CDK5RAP2: variants seen among roughly 807,000 people sequenced by gnomAD.
CDK5RAP2 encodes the protein CDK5 regulatory subunit-associated protein 2.
In CDK5RAP2, 147 loss-of-function variants were observed where a neutral mutation model predicts 232.9. The observed-to-expected ratio is 0.63, with a 90% CI of 0.55 to 0.72. CDK5RAP2 has a LOEUF of 0.72. Ranked by LOEUF, CDK5RAP2 falls within the 30% of genes least tolerant of loss-of-function variation. The probability of loss-of-function intolerance (pLI) is 0.00; values close to 1 mark genes in which losing one functional copy is unlikely to be tolerated. For synonymous variants in CDK5RAP2, 833 were observed against 833.7 expected (o/e 1.00, Z 0.01); for missense variants, 2,195 against 2,231.5 (o/e 0.98, Z 0.33).
chr9:120,418,844 C>G (rs2034392592), intron 27 of CDK5RAP2, among the ~76,000 whole-genome samples: 1 of 152,184 alleles, frequency 6.6e-6, no homozygotes, highest in Non-Finnish European at 1.5e-5. Flanking sequence ...GACTCAGAGG[C>G]CACCATGGGA....
intron 11 of CDK5RAP2, among the ~76,000 whole-genome samples, chr9:120,520,280 C>G (rs564857261): frequency 6.6e-6 from 1 of 152,282 alleles, no homozygotes; most frequent in East Asian, 1.9e-4. Context: ...CACAGTGGCT[C>G]GCTGCCTGTA....
chr9:120,479,059 GACCC>G (rs2038170909), intron 14 of CDK5RAP2, among the ~76,000 whole-genome samples: 1 of 152,068 alleles, frequency 6.6e-6, no homozygotes, highest in African/African-American at 2.4e-5. Context: ...AGGACACACA[GACCC>G]AGTTTGGAAA....
chr9:120,414,976 G>C lies in CDK5RAP2; in HGVS notation c.4297+64C>G, dbSNP rs570409256. Reference sequence around the variant, plus strand: ...TGCTTTGTACACAGATGCTTACTCAGGCAAATGCGTCACAGTGAAGCACTC... The same window carrying C: ...TGCTTTGTACACAGATGCTTACTCACGCAAATGCGTCACAGTGAAGCACTC... On this transcript the variant is annotated intron_variant, in intron 28 of 37. Transcript: ENST00000349780. The C allele has an allele frequency of 5.5e-5, 87 of 1,589,222 alleles. No homozygotes were observed. The African/African-American group carries it at 1.1e-3, about 20-fold the overall frequency.
intron 1 of CDK5RAP2, among the ~76,000 whole-genome samples, chr9:120,575,950 T>C (rs940397956): frequency 1.3e-5 from 2 of 152,344 alleles, no homozygotes; most frequent in South Asian, 2.1e-4. Flanking sequence ...TACAAAGCTT[T>C]CTACAGCAGT....
At position 120,536,528 on chromosome 9, in the gene CDK5RAP2, T is replaced by C; in HGVS notation, c.508-2A>G. ...TTCTGCCTGGGCGGCTGTCACATCC[T>C]AGAGTCAAATTAAATGCATTTGATG... On this transcript the variant is annotated splice_acceptor_variant, in intron 6 of 37. Transcript: ENST00000349780. LOFTEE classifies it high-confidence loss of function. 6.2e-7 allele frequency: 1 copy of C among 1,613,912 alleles called. No homozygotes were observed. Among genetic ancestry groups the C allele is most frequent in the South Asian group, 1.1e-5 (1 of 91,052 alleles).
At chr9:120,486,557 C>T (rs1394640783) in intron 14 of CDK5RAP2, among the ~76,000 whole-genome samples, 1 of 152,134 alleles carries the variant, frequency 6.6e-6, no homozygotes, top group Non-Finnish European at 1.5e-5. Context: ...GAACATGTGC[C>T]AGTTCCCTAC....
At chr9:120,439,321 T>C (rs2035760103) in intron 24 of CDK5RAP2, 78 bp downstream of exon 24, 1 of 1,219,088 alleles carries the variant, frequency 8.2e-7, no homozygotes, top group Admixed American at 1.7e-5. Context: ...TGTTCTCTTT[T>C]AGCTCATGGG....
chr9:120,408,432 G>A lies in CDK5RAP2; in HGVS notation c.4641C>T (p.Leu1547=), dbSNP rs1052699135. The part of the protein sequence containing the change: ...QEEVKLRQQL[L]SQNDKLLQSL... ...ACTGCAATAGCTTGTCATTCTGTGA[G>A]AGCAGCTGCTGCCTCAACTTCACCT... The change falls in exon 31 of 38, where the codon CTC becomes CTT. Residue 1547 remains leucine (L), a synonymous_variant. Transcript: ENST00000349780. The A allele has an allele frequency of 3.1e-6, 5 of 1,614,094 alleles. No individual in the cohort carries two copies. The highest frequency in any genetic ancestry group is 3.3e-5 in the Admixed American group (2 of 60,024).
intron 23 of CDK5RAP2, 149 bp from the exon 24 acceptor site, chr9:120,440,121 T>C: frequency 1.4e-6 from 1 of 691,320 alleles, no homozygotes; most frequent in Non-Finnish European, 2.5e-6. Context: ...CACACTTCCC[T>C]CAAAAAGCCT....
Position 120,467,958 on chromosome 9 carries a change from C to T in CDK5RAP2, c.2008G>A (p.Asp670Asn), listed in dbSNP as rs2037477178. Reference sequence around the variant, plus strand: ...ATGGTTTTCTTCAGGTGCTGGTTGTCTGTATACAGCTCCTTCACTAGCTGT... The same window carrying T: ...ATGGTTTTCTTCAGGTGCTGGTTGTTTGTATACAGCTCCTTCACTAGCTGT... ...LIQLVKELYT[D>N]NQHLKKTIFD... The change falls in exon 18 of 38, where the codon GAC becomes AAC. Residue 670 changes from aspartate (D) to asparagine (N), a missense_variant. Asp to Asn is a conservative substitution (Grantham distance 23). Coordinates refer to ENST00000349780, the MANE Select transcript of CDK5RAP2 (RefSeq NM_018249.6). 1 of 1,614,084 alleles carries T rather than the reference C, an allele frequency of 6.2e-7. No homozygotes were observed. The highest frequency in any genetic ancestry group is 1.3e-5 in the African/African-American group (1 of 75,020).
At chr9:120,435,310 A>G (rs1027041349) in intron 25 of CDK5RAP2, among the ~76,000 whole-genome samples, 1 of 152,236 alleles carries the variant, frequency 6.6e-6, no homozygotes, top group African/African-American at 2.4e-5. Flanking sequence ...TGAGTAAATC[A>G]GCAGATATGG....
intron 12 of CDK5RAP2, among the ~76,000 whole-genome samples, chr9:120,515,018 TATG>T (rs971771349): frequency 6.6e-6 from 1 of 152,032 alleles, no homozygotes; most frequent in African/African-American, 2.4e-5. Flanking sequence ...AAGACTAAGT[TATG>T]ATATAAAAAA....
At chr9:120,456,187 T>C (rs2036763995) in intron 20 of CDK5RAP2, among the ~76,000 whole-genome samples, 1 of 152,234 alleles carries the variant, frequency 6.6e-6, no homozygotes, top group African/African-American at 2.4e-5. Context: ...TGTGGCTAAC[T>C]CCTGGGAGAA....
chr9:120,487,234 T>C lies in CDK5RAP2; in HGVS notation c.1626+60A>G, dbSNP rs754401857. ...TCTAGATCAAAGGAGTTATCAAATA[T>C]GTTTCAAAAAAGTGTATGAATCCAT... On this transcript the variant is annotated intron_variant, in intron 14 of 37. Coordinates refer to ENST00000349780, the MANE Select transcript of CDK5RAP2 (RefSeq NM_018249.6). 4.6e-5 allele frequency: 72 copies of C among 1,569,144 alleles called. 1 individual carries two copies. The Admixed American group carries it at 1.2e-3, about 26-fold the overall frequency.
chr9:120,506,074 G>A (rs1402388616), intron 12 of CDK5RAP2, among the ~76,000 whole-genome samples: 1 of 152,212 alleles, frequency 6.6e-6, no homozygotes, highest in East Asian at 1.9e-4. Context: ...AAGAGGAGCA[G>A]TCAATGTCTG....
intron 11 of CDK5RAP2, among the ~76,000 whole-genome samples, chr9:120,522,280 G>C (rs918412685): frequency 1.3e-5 from 2 of 152,048 alleles, no homozygotes; most frequent in African/African-American, 4.8e-5. Flanking sequence ...GTTACCTTTG[G>C]GACAACTGGG....
intron 14 of CDK5RAP2, 105 bp from the exon 15 acceptor site, chr9:120,477,555 G>C: frequency 2.2e-6 from 2 of 890,450 alleles, no homozygotes; most frequent in East Asian, 2.5e-5. Context: ...AAAATCAAAC[G>C]AAGGTGAGAG....
intron 20 of CDK5RAP2, among the ~76,000 whole-genome samples, chr9:120,454,633 C>A (rs1396377033): frequency 3.3e-5 from 5 of 152,216 alleles, no homozygotes; most frequent in African/African-American, 1.2e-4. Context: ...ACCTCAAACA[C>A]CCTCTACGTC....
At chr9:120,430,805 A>G (rs1369356198) in intron 25 of CDK5RAP2, among the ~76,000 whole-genome samples, 1 of 152,182 alleles carries the variant, frequency 6.6e-6, no homozygotes, top group East Asian at 1.9e-4. Flanking sequence ...ATAAAGACAC[A>G]TGCACACATA....
Sources: gnomAD v4.1 joint callset for allele counts (sites outside exome capture counted in the v4.1 genomes callset) on GRCh38, gnomAD v4.1.1 for gene constraint, MANE v1.5 for transcripts, NCBI Gene and HGNC (gene_info 2026-07-23, HGNC 2026-07-21) for gene names.